The following ROCK1 variants were observed in gnomAD, a reference collection of about 807,000 sequenced individuals.
ROCK1 encodes the protein Rho associated coiled-coil containing protein kinase 1.
In ROCK1, 36 loss-of-function variants were observed where a neutral mutation model predicts 196.8. That is an observed-to-expected ratio of 0.18 (90% CI 0.14 to 0.24). The LOEUF (loss-of-function observed/expected upper bound fraction) is 0.24. ROCK1 is among the 10% of genes least tolerant of loss of function. The pLI, the probability that ROCK1 is intolerant of heterozygous loss-of-function variation, is 1.00. For missense variants in ROCK1, 920 were observed against 1,562.0 expected, an observed-to-expected ratio of 0.59 and a Z score of 6.93; for synonymous variants, 443 against 515.9, an observed-to-expected ratio of 0.86 and a Z score of 1.91.
At chr18:21,070,730 C>T in intron 1 of ROCK1, 117 bp from the exon 2 acceptor site, 1 of 583,968 alleles carries the variant, frequency 1.7e-6, no homozygotes, top group Non-Finnish European at 2.9e-6. Flanking sequence ...ATCTTGTGTA[C>T]ATTTAACACC....
intron 1 of ROCK1, among the ~76,000 whole-genome samples, chr18:21,073,567 AT>A (rs2036405726): frequency 1.3e-5 from 2 of 152,254 alleles, no homozygotes; most frequent in Non-Finnish European, 2.9e-5. Context: ...TGAGAATTTA[AT>A]GGCACTAGGA....
intron 16 of ROCK1, among the ~76,000 whole-genome samples, chr18:20,993,220 T>C (rs895954773): frequency 2.6e-5 from 4 of 152,186 alleles, no homozygotes; most frequent in African/African-American, 7.2e-5. Flanking sequence ...TGCTTTTTTT[T>C]TGAGACGGAG....
intron 10 of ROCK1, among the ~76,000 whole-genome samples, chr18:21,024,666 CAGA>C (rs1454296659): frequency 6.6e-6 from 1 of 152,142 alleles, no homozygotes; most frequent in Non-Finnish European, 1.5e-5. Flanking sequence ...TAGTGAATAA[CAGA>C]AGATAATCAA....
intron 20 of ROCK1, 133 bp downstream of exon 20, chr18:20,984,218 T>TA: frequency 1.5e-6 from 1 of 666,024 alleles, no homozygotes. Context: ...TAAATTCTTT[T>TA]ACTTCTAAAT....
chr18:21,028,038 G>C (rs2035975569), intron 10 of ROCK1, among the ~76,000 whole-genome samples: 2 of 148,532 alleles, frequency 1.3e-5, no homozygotes, highest in Non-Finnish European at 3.0e-5. Context: ...TGGGATTACA[G>C]GCGTGAGCCA....
In ROCK1 at chr18:21,042,638, T is replaced by C; in HGVS notation, c.747A>G (p.Gln249=). The C allele has an allele frequency of 6.2e-7, 1 of 1,613,944 alleles. No individual in the cohort carries two copies. The highest frequency in any genetic ancestry group is 8.5e-7 in the Non-Finnish European group (1 of 1,179,876). ...DYISPEVLKS[Q]GGDGYYGREC... ...CTCTTCCATAATAACCATCACCACCTTGGGATTTTAATACTTCAGGGGAAA... is the reference window on the plus strand; with the variant it reads ...CTCTTCCATAATAACCATCACCACCCTGGGATTTTAATACTTCAGGGGAAA... The change falls in exon 7 of 33, where the codon CAA becomes CAG. Residue 249 remains glutamine, a synonymous_variant. Transcript: ENST00000399799.
intron 16 of ROCK1, among the ~76,000 whole-genome samples, chr18:21,001,397 T>C (rs757931907): frequency 5.9e-5 from 9 of 152,242 alleles, no homozygotes; most frequent in Non-Finnish European, 8.8e-5. Context: ...TTGAATTGTA[T>C]ATTTTTAAAT....
chr18:20,974,761 T>C (rs530238411), intron 22 of ROCK1, among the ~76,000 whole-genome samples: 2 of 152,344 alleles, frequency 1.3e-5, no homozygotes, highest in East Asian at 3.9e-4. Context: ...ATATTTCAAA[T>C]GCCTAGAAAA....
chr18:20,965,450 T>C (rs1007185215), intron 27 of ROCK1, among the ~76,000 whole-genome samples: 17 of 151,912 alleles, frequency 1.1e-4, no homozygotes, highest in African/African-American at 4.1e-4. Context: ...CATATATACA[T>C]AGAGTAAGAA....
chr18:21,091,308 T>C (rs1001267339), intron 1 of ROCK1, among the ~76,000 whole-genome samples: 2 of 151,730 alleles, frequency 1.3e-5, no homozygotes, highest in Non-Finnish European at 2.9e-5. Flanking sequence ...GAATACAGTA[T>C]ATAAGATATA....
chr18:21,102,538 A>G (rs1487994295), intron 1 of ROCK1, among the ~76,000 whole-genome samples: 1 of 152,218 alleles, frequency 6.6e-6, no homozygotes, highest in African/African-American at 2.4e-5. Flanking sequence ...TGAATGAATA[A>G]CAGAAAAGAG....
At chr18:20,968,021 G>A in intron 25 of ROCK1, 81 bp from the exon 26 acceptor site, 1 of 1,204,908 alleles carries the variant, frequency 8.3e-7, no homozygotes, top group Non-Finnish European at 1.1e-6. Flanking sequence ...TCAAAATCAG[G>A]AAGCAGGACT....
At chr18:20,959,195 T>C (rs2035301162) in intron 29 of ROCK1, among the ~76,000 whole-genome samples, 2 of 73,374 alleles carry the variant, frequency 2.7e-5, no homozygotes, top group African/African-American at 1.1e-4. Context: ...ATATATAATA[T>C]ATATAATACA....
At chr18:21,039,663 G>A (rs2036088155) in intron 8 of ROCK1, 100 bp from the exon 9 acceptor site, 8 of 756,234 alleles carry the variant, frequency 1.1e-5, no homozygotes, top group East Asian at 2.6e-5. Flanking sequence ...AGTGTAGGAC[G>A]ACAAATATAG....
chr18:20,968,566 A>G (rs1236219207), intron 25 of ROCK1: 1 of 480,646 alleles, frequency 2.1e-6, no homozygotes, highest in Non-Finnish European at 3.7e-6. Context: ...TCAGCCTCCT[A>G]AAGTGTTGGG....
intron 10 of ROCK1, among the ~76,000 whole-genome samples, chr18:21,024,473 C>T (rs558524660): frequency 9.9e-5 from 15 of 152,234 alleles, no homozygotes; most frequent in South Asian, 8.3e-4. Flanking sequence ...CACCATGCTA[C>T]GACTACCATA....
intron 1 of ROCK1, among the ~76,000 whole-genome samples, chr18:21,083,051 G>A (rs546847138): frequency 6.6e-6 from 1 of 152,268 alleles, no homozygotes; most frequent in African/African-American, 2.4e-5. Flanking sequence ...TATACTAACA[G>A]TGAATAATCC....
intron 13 of ROCK1, among the ~76,000 whole-genome samples, chr18:21,008,822 A>G (rs1426642011): frequency 2.0e-5 from 3 of 152,220 alleles, no homozygotes; most frequent in Non-Finnish European, 2.9e-5. Context: ...AGTTGCAAAG[A>G]TAGTACAGAG....
intron 8 of ROCK1, 137 bp from the exon 9 acceptor site, chr18:21,039,700 A>G (rs2036088629): frequency 3.3e-6 from 2 of 609,454 alleles, no homozygotes; most frequent in Admixed American, 2.9e-5. Flanking sequence ...TATTGTCAGC[A>G]TAGTATCAGC....
Sources: gnomAD v4.1 joint callset for allele counts (sites outside exome capture counted in the v4.1 genomes callset) on GRCh38, gnomAD v4.1.1 for gene constraint, MANE v1.5 for transcripts, NCBI Gene and HGNC (gene_info 2026-07-23, HGNC 2026-07-21) for gene names.